The following PRDM8 variants were observed in gnomAD, a reference collection of about 807,000 sequenced individuals.
PRDM8 encodes the protein PR domain zinc finger protein 8.
A neutral mutation model predicts 46.5 loss-of-function variants in PRDM8; 13 were observed. The ratio of observed to expected loss-of-function variants is 0.28; its 90% confidence interval spans 0.18 to 0.44. The LOEUF (loss-of-function observed/expected upper bound fraction) is 0.44. Among genes scored for constraint, PRDM8 ranks in the 20% least tolerant of loss-of-function variants. The pLI, the probability that PRDM8 is intolerant of heterozygous loss-of-function variation, is 1.00. For missense variants in PRDM8, 998 were observed against 955.0 expected, an observed-to-expected ratio of 1.04 and a Z score of -0.59; for synonymous variants, 473 against 438.4, an observed-to-expected ratio of 1.08 and a Z score of -0.98.
In PRDM8 at chr4:80,202,506, G is replaced by A. The variant is rs1560477983; in HGVS notation, c.1044G>A (p.Leu348=). The A allele has an allele frequency of 1.3e-6, 2 of 1,539,772 alleles. No homozygotes were observed. Among genetic ancestry groups the A allele is most frequent in the Non-Finnish European group, 1.7e-6 (2 of 1,146,612 alleles). The change falls in exon 4 of 4, where the codon CTG becomes CTA. Residue 348 remains leucine (L), a synonymous_variant. Transcript: ENST00000415738. Reference sequence around the variant, plus strand: ...CCCTCCCGGCCTCCAAGGAGGATCTGGTGTGCACACCGCAGCAGTACCGAG... The same window carrying A: ...CCCTCCCGGCCTCCAAGGAGGATCTAGTGTGCACACCGCAGCAGTACCGAG... ...ERPLPASKED[L]VCTPQQYRAS...
chr4:80,202,270 A>C lies in PRDM8; in HGVS notation c.808A>C (p.Asn270His). The C allele has an allele frequency of 8.1e-6, 13 of 1,609,208 alleles. No homozygotes were observed. The highest frequency in any genetic ancestry group is 1.1e-5 in the Non-Finnish European group (13 of 1,179,054). ...DFHNLARELENSRGGSSCSPA... is the reference protein window; with the variant it reads ...DFHNLARELEHSRGGSSCSPA... ...CCACAACCTGGCCAGGGAGCTGGAA[A>C]ACTCCCGGGGAGGCAGCAGCTGCTC... The change falls in exon 4 of 4, where the codon AAC (asparagine) becomes CAC (histidine). Residue 270 changes from asparagine to histidine, a missense_variant. Asn to His is a moderately conservative substitution (Grantham distance 68). Transcript: ENST00000415738.
rs972811927 is a variant in PRDM8 at position 80,197,631 on chromosome 4, C to T, written c.-135C>T. On this transcript the variant is annotated 5_prime_UTR_variant, in exon 1 of 4. Transcript: ENST00000415738. ...CTCTCTCTTATCTCTTCAGGAAGAG[C>T]CTAAAAGGCGGCAACACCAACACCT... The T allele has an allele frequency of 3.6e-5, 35 of 981,590 alleles. No individual in the cohort carries two copies. Among genetic ancestry groups the T allele is most frequent in the Admixed American group, 6.2e-5 (1 of 16,138 alleles). 60.8% of individuals were successfully genotyped at this position (981,590 alleles called of 1,614,324 possible). A position where few individuals can be genotyped will look rare whatever the true frequency, so the allele number is the denominator to read the frequency against.
chr4:80,202,539 C>A lies in PRDM8; in HGVS notation c.1077C>A (p.Gly359=), dbSNP rs746862284. 1 of 1,536,034 alleles carries A rather than the reference C, an allele frequency of 6.5e-7. No homozygotes were observed. Among genetic ancestry groups the A allele is most frequent in the Admixed American group, 2.0e-5 (1 of 50,984 alleles). The part of the protein sequence containing the change: ...VCTPQQYRAS[G]SYFGLEENGR... The stretch of plus-strand genomic sequence containing the variant: ...CACCGCAGCAGTACCGAGCCTCGGG[C>A]AGCTACTTCGGCCTGGAAGAGAACG... The change falls in exon 4 of 4, where the codon GGC becomes GGA. Residue 359 remains glycine (G), a synonymous_variant. Coordinates refer to ENST00000415738, the MANE Select transcript of PRDM8 (RefSeq NM_001099403.2).
chr4:80,195,498 TTGTG>T (rs139174909), upstream of PRDM8, among the ~76,000 whole-genome samples: 21 of 149,954 alleles, frequency 1.4e-4, no homozygotes, highest in East Asian at 7.9e-4. Context: ...TGTCCATACT[TTGTG>T]TGTGTGTGTG....
At chr4:80,201,610 G>A in intron 3 of PRDM8, 89 bp downstream of exon 3, 2 of 1,326,130 alleles carry the variant, frequency 1.5e-6, no homozygotes, top group Non-Finnish European at 2.1e-6. Context: ...GCGTTGGCGC[G>A]CCTTTCTTCC....
Position 80,203,181 on chromosome 4 carries a change from C to A in PRDM8, c.1719C>A (p.Ser573Arg). 1 of 1,549,414 alleles carries A rather than the reference C, an allele frequency of 6.5e-7. No homozygotes were observed. The highest frequency in any genetic ancestry group is 8.7e-7 in the Non-Finnish European group (1 of 1,151,746). The change falls in exon 4 of 4, where the codon AGC becomes AGA. Residue 573 changes from serine to arginine, a missense_variant. Transcript: ENST00000415738. ...PSGGGGLPKQSPFLYATAFWP... is the reference protein window; with the variant it reads ...PSGGGGLPKQRPFLYATAFWP... ...GCGGCGGCGGCCTGCCTAAGCAGAG[C>A]CCCTTCCTGTACGCCACCGCCTTCT...
rs1458732519 is a variant in PRDM8 at position 80,202,212 on chromosome 4, C to T, written c.750C>T (p.Ala250=). The T allele has an allele frequency of 2.5e-6, 4 of 1,612,042 alleles. No individual in the cohort carries two copies. The highest frequency in any genetic ancestry group is 4.5e-5 in the East Asian group (2 of 44,752). ...AAAGCAGCAACCCATCCGCTGCCGC[C>T]GGCGGCAGCAGCGCGAAGCCATCCA... ...SPESSNPSAA[A]GGSSAKPSTD... Residue 250 remains alanine (A), a synonymous_variant, in exon 4 of 4, where the codon GCC becomes GCT. Coordinates refer to ENST00000415738, the MANE Select transcript of PRDM8 (RefSeq NM_001099403.2).
chr4:80,194,426 C>G (rs1018197881), upstream of PRDM8, among the ~76,000 whole-genome samples: 7 of 152,168 alleles, frequency 4.6e-5, no homozygotes, highest in African/African-American at 1.7e-4. Context: ...CATTTAGTAT[C>G]AGTGAATTCC....
At position 80,202,300 on chromosome 4, in the gene PRDM8, G is replaced by C; in HGVS notation, c.838G>C (p.Ala280Pro). 1.2e-6 allele frequency: 2 copies of C among 1,610,950 alleles called. No homozygotes were observed. Among genetic ancestry groups the C allele is most frequent in the Non-Finnish European group, 1.7e-6 (2 of 1,179,282 alleles). ...NSRGGSSCSP[A>P]QSLSSGSGSG... Reference sequence around the variant, plus strand: ...CCGGGGAGGCAGCAGCTGCTCCCCAGCCCAGAGCCTCAGCAGCGGTAGCGG... The same window carrying C: ...CCGGGGAGGCAGCAGCTGCTCCCCACCCCAGAGCCTCAGCAGCGGTAGCGG... The change falls in exon 4 of 4, where the codon GCC (alanine) becomes CCC (proline). Residue 280 changes from alanine (A) to proline (P), a missense_variant. Ala to Pro is a conservative substitution (Grantham distance 27). Transcript: ENST00000415738.
In PRDM8 at chr4:80,203,146, C is replaced by T. The variant is rs566625812; in HGVS notation, c.1684C>T (p.Leu562=). 1.9e-6 allele frequency: 3 copies of T among 1,553,468 alleles called. No individual in the cohort carries two copies. The highest frequency in any genetic ancestry group is 2.6e-6 in the Non-Finnish European group (3 of 1,157,168). The change falls in exon 4 of 4, where the codon CTG becomes TTG. Residue 562 remains leucine, a synonymous_variant. Coordinates refer to ENST00000415738, the MANE Select transcript of PRDM8 (RefSeq NM_001099403.2). ...GGACCTGAACGGAGGTTGCGGGTCC[C>T]TGCCGAGCGGCGGCGGCGGCCTGCC... ...AADLNGGCGS[L]PSGGGGLPKQ...
At chr4:80,196,635 C>G, upstream of PRDM8, 3 of 983,974 alleles carry the variant, frequency 3.0e-6, no homozygotes, top group Non-Finnish European at 3.6e-6. Flanking sequence ...CCCTTGCCCC[C>G]CAACCCCAAG....
chr4:80,203,736 A>G lies in PRDM8; in HGVS notation c.*204A>G. 2.2e-6 allele frequency: 1 copy of G among 445,990 alleles called. No homozygotes were observed. Among genetic ancestry groups the G allele is most frequent in the Non-Finnish European group, 3.9e-6 (1 of 257,302 alleles). The allele number at this position is 445,990 out of a possible 1,614,324, so 27.6% of individuals were successfully genotyped here. A position where few individuals can be genotyped will look rare whatever the true frequency, so the allele number is the denominator to read the frequency against. On this transcript the variant is annotated 3_prime_UTR_variant, in exon 4 of 4. Coordinates refer to ENST00000415738, the MANE Select transcript of PRDM8 (RefSeq NM_001099403.2). ...TCATTCAAATATTTACCCGGGACAC[A>G]CACCCCCCCCCACACACACACACAG...
At chr4:80,187,252 G>C (rs1410039473) in intron 1 of PRDM8, among the ~76,000 whole-genome samples, 6 of 141,486 alleles carry the variant, frequency 4.2e-5, no homozygotes, top group African/African-American at 1.6e-4. Context: ...CCTGGGGCGG[G>C]GGGAAGCAGA....
chr4:80,201,251 C>G (rs773878768), intron 2 of PRDM8, 39 bp from the exon 3 acceptor site: 1 of 1,575,432 alleles, frequency 6.3e-7, no homozygotes, highest in Non-Finnish European at 8.7e-7. Flanking sequence ...CCCTCTCCCC[C>G]TCTCCTTCTT....
Position 80,202,886 on chromosome 4 carries a change from G to C in PRDM8, c.1424G>C (p.Gly475Ala). 7.7e-7 allele frequency: 1 copy of C among 1,292,056 alleles called. No individual in the cohort carries two copies. Among genetic ancestry groups the C allele is most frequent in the Non-Finnish European group, 9.7e-7 (1 of 1,028,908 alleles). 80.0% of individuals were successfully genotyped at this position (1,292,056 alleles called of 1,614,324 possible). Residue 475 changes from glycine (G) to alanine (A), a missense_variant, in exon 4 of 4, where the codon GGG becomes GCG. Coordinates refer to ENST00000415738, the MANE Select transcript of PRDM8 (RefSeq NM_001099403.2). ...GGCAGCGCGGGCAGCACCAGCGGTG[G>C]GGGCGGAACGGGCGCCGGGGCCGCA... ...QLGSAGSTSG[G>A]GGTGAGAAGG...
rs534869665 is a variant in PRDM8 at position 80,203,660 on chromosome 4, G to GC, written c.*135dup. ...CTGCACAAAGACACATACATTCACC[G>GC]CCCCCCCGCCCCCCCAACGCGCACA... On this transcript the variant is annotated 3_prime_UTR_variant, in exon 4 of 4. Coordinates refer to ENST00000415738, the MANE Select transcript of PRDM8 (RefSeq NM_001099403.2). The GC allele has an allele frequency of 1.0e-3, 1,395 of 1,349,628 alleles. 7 individuals are homozygous for GC. In the South Asian group the frequency reaches 0.013, roughly 12 times the overall value. 83.6% of individuals were successfully genotyped at this position (1,349,628 alleles called of 1,614,324 possible). A position where few individuals can be genotyped will look rare whatever the true frequency, so the allele number is the denominator to read the frequency against.
At chr4:80,187,244 T>TGCGGGGGGGGGGG (rs60061648) in intron 1 of PRDM8, among the ~76,000 whole-genome samples, 28 of 89,830 alleles carry the variant, frequency 3.1e-4, no homozygotes, top group Middle Eastern at 5.0e-3. Context: ...TTCTCTGCCC[T>TGCGGGGGGGGGGG]GGGGCGGGGG....
In PRDM8 at chr4:80,201,652, G is replaced by A. The variant is rs3733333; in HGVS notation, c.451+131G>A. 280,700 of 1,001,568 alleles carry A rather than the reference G, an allele frequency of 0.28. 43,948 individuals carry two copies. Among genetic ancestry groups the A allele is most frequent in the East Asian group, 0.61 (23,701 of 38,550 alleles). 62.0% of individuals were successfully genotyped at this position (1,001,568 alleles called of 1,614,324 possible). A position where few individuals can be genotyped will look rare whatever the true frequency, so the allele number is the denominator to read the frequency against. Reference sequence around the variant, plus strand: ...GTGTCTCATAGGAAGATTCTGAGATGTAGTCTGGAATGAAGTTAAACAGAT... The same window carrying A: ...GTGTCTCATAGGAAGATTCTGAGATATAGTCTGGAATGAAGTTAAACAGAT... On this transcript the variant is annotated intron_variant, in intron 3 of 3. Coordinates refer to ENST00000415738, the MANE Select transcript of PRDM8 (RefSeq NM_001099403.2).
chr4:80,200,398 G>A, intron 2 of PRDM8, 99 bp downstream of exon 2: 3 of 1,070,780 alleles, frequency 2.8e-6, no homozygotes, highest in Non-Finnish European at 4.1e-6. Flanking sequence ...GGTTTTGCCT[G>A]TGGAAAAATG....
Sources: allele counts gnomAD v4.1 joint callset (sites outside exome capture counted in the v4.1 genomes callset), GRCh38; gene constraint gnomAD v4.1.1; transcripts MANE v1.5; gene names NCBI Gene and HGNC (gene_info 2026-07-23, HGNC 2026-07-21).